PPM1E: variants seen among roughly 807,000 people sequenced by gnomAD.
PPM1E encodes the protein protein phosphatase, Mg2+/Mn2+ dependent 1E.
PPM1E carries 20 observed loss-of-function variants against 65.9 expected under a neutral mutation model. That is an observed-to-expected ratio of 0.30 (90% confidence interval 0.21 to 0.44). The LOEUF is 0.44. Among genes scored for constraint, PPM1E ranks in the 20% least tolerant of loss-of-function variants. The pLI is 1.00. For synonymous variants in PPM1E, 352 were observed against 374.9 expected (o/e 0.94, Z 0.70); for missense variants, 713 against 953.1 (o/e 0.75, Z 3.32).
intron 1 of PPM1E, among the ~76,000 whole-genome samples, chr17:58,823,933 C>T (rs927883599): frequency 1.3e-5 from 2 of 151,896 alleles, no homozygotes; most frequent in Non-Finnish European, 2.9e-5. Flanking sequence ...GGTTTCACCA[C>T]GTTAGCCAGG....
intron 1 of PPM1E, among the ~76,000 whole-genome samples, chr17:58,805,964 A>C (rs1598582215): frequency 1.7e-5 from 2 of 115,220 alleles, no homozygotes; most frequent in South Asian, 3.0e-4. Flanking sequence ...AAAAAAACAA[A>C]AAAAAAAAAC....
intron 1 of PPM1E, among the ~76,000 whole-genome samples, chr17:58,815,434 T>C (rs2050405851): frequency 6.6e-6 from 1 of 152,188 alleles, no homozygotes; most frequent in Non-Finnish European, 1.5e-5. Flanking sequence ...CACGACATAG[T>C]TTTTGTCAGA....
At chr17:58,768,526 C>T (rs917336684) in intron 1 of PPM1E, among the ~76,000 whole-genome samples, 7 of 152,100 alleles carry the variant, frequency 4.6e-5, no homozygotes, top group Non-Finnish European at 1.0e-4. Flanking sequence ...TTTATTTTAT[C>T]TTCCACCCAA....
intron 1 of PPM1E, among the ~76,000 whole-genome samples, chr17:58,805,994 A>AAAAAAAC (rs2050309599): frequency 1.7e-5 from 2 of 118,290 alleles, no homozygotes; most frequent in Non-Finnish European, 3.3e-5. Context: ...ACAAAACAAA[A>AAAAAAAC]CAAAACAAAA....
chr17:58,969,381 T>C, intron 3 of PPM1E, 158 bp from the exon 4 acceptor site: 1 of 758,232 alleles, frequency 1.3e-6, no homozygotes, highest in East Asian at 2.7e-5. Flanking sequence ...TTTCAGCAGT[T>C]GATCAGGCAT....
chr17:58,949,458 G>T lies in PPM1E; in HGVS notation c.465-6191G>T, dbSNP rs560456521. On this transcript the variant is annotated intron_variant, in intron 1 of 6. Transcript: ENST00000308249. ...GTTTTTGTTTTTGTTTGTTTGCTTTGTTGTTGTTGTTTAAATTCATTCAGC... is the reference window on the plus strand; with the variant it reads ...GTTTTTGTTTTTGTTTGTTTGCTTTTTTGTTGTTGTTTAAATTCATTCAGC... Among the ~76,000 whole-genome samples the T allele has an allele frequency of 9.2e-5, 14 of 152,084 alleles. 1 individual carries two copies. Among genetic ancestry groups the T allele is most frequent in the Admixed American group, 7.2e-4 (11 of 15,264 alleles).
chr17:58,824,877 G>C (rs2050517669), intron 1 of PPM1E, among the ~76,000 whole-genome samples: 1 of 151,684 alleles, frequency 6.6e-6, no homozygotes, highest in East Asian at 1.9e-4. Flanking sequence ...CAAAGTGCTA[G>C]GATTACAGGT....
At chr17:58,925,741 A>T (rs1309043305) in intron 1 of PPM1E, among the ~76,000 whole-genome samples, 1 of 151,862 alleles carries the variant, frequency 6.6e-6, no homozygotes, top group East Asian at 1.9e-4. Context: ...TTTTTCTTGT[A>T]AATTTGTTTA....
chr17:58,971,595 C>T (rs1377877046), intron 4 of PPM1E, among the ~76,000 whole-genome samples: 13 of 152,168 alleles, frequency 8.5e-5, no homozygotes, highest in African/African-American at 4.8e-5. Context: ...CTCCAGGGAA[C>T]GTAAGCTGTC....
chr17:58,953,906 C>T (rs1368942682), intron 1 of PPM1E, among the ~76,000 whole-genome samples: 1 of 152,124 alleles, frequency 6.6e-6, no homozygotes, highest in Non-Finnish European at 1.5e-5. Flanking sequence ...TACCACCACG[C>T]CCAGCTAATT....
chr17:58,968,331 G>A (rs947965939), intron 3 of PPM1E, among the ~76,000 whole-genome samples: 3 of 152,170 alleles, frequency 2.0e-5, no homozygotes, highest in South Asian at 2.1e-4. Context: ...AGGCTGAGGC[G>A]GGATGATCCT....
chr17:58,812,251 C>A (rs2050375619), intron 1 of PPM1E, among the ~76,000 whole-genome samples: 1 of 143,864 alleles, frequency 7.0e-6, no homozygotes, highest in South Asian at 2.2e-4. Context: ...TTGTAACGAG[C>A]CCACATTGCG....
rs952875178 is a variant in PPM1E at position 58,829,288 on chromosome 17, T to C, written c.464+72827T>C. On this transcript the variant is annotated intron_variant, in intron 1 of 6. Transcript: ENST00000308249. ...AACTCCCAACCTCAGGTGATCCGTC[T>C]GCCTCGGCCTCCCAAACTGCTGAGA... Among the ~76,000 whole-genome samples the C allele has an allele frequency of 4.6e-5, 7 of 152,156 alleles. No homozygotes were observed. In the East Asian group the frequency reaches 1.3e-3, roughly 29 times the overall value.
At chr17:58,816,819 A>T in intron 1 of PPM1E, among the ~76,000 whole-genome samples, 1 of 115,738 alleles carries the variant, frequency 8.6e-6, no homozygotes. Context: ...TTTTTGAGAC[A>T]GGGTCTTACT....
At chr17:58,954,879 CAAAAAA>C (rs10715470) in intron 1 of PPM1E, among the ~76,000 whole-genome samples, 1 of 101,046 alleles carries the variant, frequency 9.9e-6, no homozygotes. Flanking sequence ...GAGTCTCTCT[CAAAAAA>C]AAAAAAAAAA....
chr17:58,929,264 A>G (rs1232020971), intron 1 of PPM1E, among the ~76,000 whole-genome samples: 3 of 152,294 alleles, frequency 2.0e-5, no homozygotes, highest in East Asian at 3.9e-4. Flanking sequence ...ACATTAATCT[A>G]TGATGAAAAA....
chr17:58,812,943 G>C (rs1336727774), intron 1 of PPM1E, among the ~76,000 whole-genome samples: 1 of 152,110 alleles, frequency 6.6e-6, no homozygotes, highest in African/African-American at 2.4e-5. Context: ...AAATGAAAAA[G>C]AATATTATTC....
In PPM1E at chr17:58,980,931, G is replaced by C. The variant is rs1200899145; in HGVS notation, c.2168G>C (p.Arg723Thr). Residue 723 changes from arginine (R) to threonine (T), a missense_variant, in exon 7 of 7, where the codon AGG becomes ACG. By Grantham distance (71) the Arg-to-Thr change is moderately conservative (BLOSUM62 -1). Transcript: ENST00000308249. The surrounding 1 kb of genome is among the most constrained non-coding windows in gnomAD (Gnocchi z 4.7). ...AGGATAAGAAGTTCTCTGCCATGGA[G>C]GCAAAATAGTTGGAAAGGGTACAGT... ...RNRIRSSLPW[R>T]QNSWKGYSEN... 6.2e-7 allele frequency: 1 copy of C among 1,614,056 alleles called. No individual in the cohort carries two copies. Among genetic ancestry groups the C allele is most frequent in the Non-Finnish European group, 8.5e-7 (1 of 1,180,028 alleles).
At chr17:58,817,742 A>C (rs1220492675) in intron 1 of PPM1E, among the ~76,000 whole-genome samples, 4 of 152,074 alleles carry the variant, frequency 2.6e-5, no homozygotes, top group African/African-American at 9.7e-5. Context: ...ATTTCTCAAA[A>C]AGAATACACT....
Sources: allele counts gnomAD v4.1 joint callset (sites outside exome capture counted in the v4.1 genomes callset), GRCh38; gene constraint gnomAD v4.1.1; non-coding constraint Gnocchi (gnomAD v3.1); transcripts MANE v1.5; gene names NCBI Gene and HGNC (gene_info 2026-07-23, HGNC 2026-07-21).